USP48: variants seen among roughly 807,000 people sequenced by gnomAD.
The protein encoded by USP48 is ubiquitin carboxyl-terminal hydrolase 48.
In USP48, 43 loss-of-function variants were observed where a neutral mutation model predicts 150.7. The ratio of observed to expected loss-of-function variants is 0.29; its 90% CI spans 0.22 to 0.37. USP48 has a LOEUF of 0.37. USP48 is among the 10% of genes least tolerant of loss of function. The probability of loss-of-function intolerance (pLI) is 1.00; values close to 1 mark genes in which losing one functional copy is unlikely to be tolerated. For missense variants in USP48, 813 were observed against 1,249.6 expected (o/e 0.65, Z 5.27); for synonymous variants, 396 against 425.9 (o/e 0.93, Z 0.86).
chr1:21,737,121 T>A (rs1391533819), intron 8 of USP48, among the ~76,000 whole-genome samples: 11 of 152,174 alleles, frequency 7.2e-5, no homozygotes, highest in Admixed American at 7.2e-4. Context: ...TCAAAACAGG[T>A]GTAGGCATTT....
chr1:21,771,930 A>G (rs1014694011), intron 1 of USP48, among the ~76,000 whole-genome samples: 1 of 152,042 alleles, frequency 6.6e-6, no homozygotes, highest in Non-Finnish European at 1.5e-5. Flanking sequence ...AAAAAAAAAA[A>G]GGACTGAAAA....
At chr1:21,744,485 T>C (rs541870106) in intron 8 of USP48, among the ~76,000 whole-genome samples, 6 of 147,946 alleles carry the variant, frequency 4.1e-5, no homozygotes, top group South Asian at 2.1e-4. Context: ...AGAATTAACA[T>C]AGTTTTTAGG....
At chr1:21,741,644 C>T (rs1410934087) in intron 8 of USP48, among the ~76,000 whole-genome samples, 1 of 152,094 alleles carries the variant, frequency 6.6e-6, no homozygotes, top group Non-Finnish European at 1.5e-5. Context: ...ATAAGATAGT[C>T]TGTAAGTTTC....
chr1:21,683,342 G>T (rs1402717655), intron 25 of USP48, among the ~76,000 whole-genome samples: 1 of 152,164 alleles, frequency 6.6e-6, no homozygotes, highest in Non-Finnish European at 1.5e-5. Context: ...AGTGTATAAT[G>T]ATCACATCAG....
intron 1 of USP48, among the ~76,000 whole-genome samples, chr1:21,776,635 AAG>A (rs1304321133): frequency 2.0e-5 from 3 of 150,066 alleles, no homozygotes; most frequent in Non-Finnish European, 3.0e-5. Flanking sequence ...AGTGAGTAGA[AAG>A]AGAGCTTTTT....
At chr1:21,739,450 C>T (rs1373645199) in intron 8 of USP48, among the ~76,000 whole-genome samples, 4 of 122,962 alleles carry the variant, frequency 3.3e-5, no homozygotes, top group East Asian at 2.7e-4. Flanking sequence ...ACCCGGGAGG[C>T]GGAGGTTGCA....
chr1:21,712,302 T>G (rs1422197348), intron 15 of USP48, among the ~76,000 whole-genome samples: 1 of 152,142 alleles, frequency 6.6e-6, no homozygotes, highest in Non-Finnish European at 1.5e-5. Context: ...GAGGTTGTAG[T>G]GAGCCGAGAC....
At chr1:21,733,531 T>C (rs1321921434) in intron 9 of USP48, among the ~76,000 whole-genome samples, 1 of 152,202 alleles carries the variant, frequency 6.6e-6, no homozygotes, top group Non-Finnish European at 1.5e-5. Context: ...TCTAATGAAA[T>C]TTAAAAATAT....
intron 12 of USP48, 143 bp from the exon 13 acceptor site, chr1:21,721,907 C>T: frequency 2.0e-6 from 1 of 487,990 alleles, no homozygotes; most frequent in Non-Finnish European, 3.6e-6. Flanking sequence ...GGTATATACC[C>T]TAAATTATTT....
intron 1 of USP48, among the ~76,000 whole-genome samples, chr1:21,777,335 G>A (rs1248307148): frequency 6.6e-6 from 1 of 151,912 alleles, no homozygotes; most frequent in East Asian, 1.9e-4. Context: ...AACCTTGGGT[G>A]AGGTGTGGCT....
intron 21 of USP48, among the ~76,000 whole-genome samples, chr1:21,702,773 C>T (rs2097660862): frequency 6.6e-6 from 1 of 152,178 alleles, no homozygotes; most frequent in African/African-American, 2.4e-5. Flanking sequence ...CCATTAGCCA[C>T]ATGTAGCTAT....
chr1:21,736,281 G>T, intron 9 of USP48, 165 bp downstream of exon 9: 2 of 715,224 alleles, frequency 2.8e-6, no homozygotes, highest in Non-Finnish European at 4.3e-6. Context: ...CGAAAAACAA[G>T]CATTGCTAAT....
rs1305996506 is a variant in USP48 at position 21,782,951 on chromosome 1, G to A, written c.7C>T (p.Pro3Ser). ...GCCGCCTTCTCCAGCTGCAGCCGCG[G>A]GGCCATGGCCTTGGCCCCAGGAACG... MAPRLQLEKAAWR... is the reference protein window; with the variant it reads MASRLQLEKAAWR... Residue 3 changes from proline to serine, a missense_variant, in exon 1 of 27, where the codon CCG becomes TCG. By Grantham distance (74) the Pro-to-Ser change is moderately conservative. Transcript: ENST00000308271. 3 of 1,544,216 alleles carry A rather than the reference G, an allele frequency of 1.9e-6. No individual in the cohort carries two copies. The highest frequency in any genetic ancestry group is 2.6e-6 in the Non-Finnish European group (3 of 1,147,518).
rs1161705890 is a variant in USP48 at position 21,723,984 on chromosome 1, G to A, written c.1562C>T (p.Pro521Leu). 14 of 1,614,068 alleles carry A rather than the reference G, an allele frequency of 8.7e-6. No homozygotes were observed. The highest frequency in any genetic ancestry group is 1.1e-5 in the Non-Finnish European group (13 of 1,179,996). The stretch of plus-strand genomic sequence containing the variant: ...CCTCTTCATAATTGATATTTTATCC[G>A]GGTGAAGCTTGTCATGGGAACACAG... ...ACLCSHDKLHPDKISIMKRIS... is the reference protein window; with the variant it reads ...ACLCSHDKLHLDKISIMKRIS... The change falls in exon 12 of 27, where the codon CCG becomes CTG. Residue 521 changes from proline (P) to leucine (L), a missense_variant. Coordinates refer to ENST00000308271, the MANE Select transcript of USP48 (RefSeq NM_032236.8).
At chr1:21,708,354 C>T (rs1009220931) in intron 15 of USP48, among the ~76,000 whole-genome samples, 29 of 151,984 alleles carry the variant, frequency 1.9e-4, no homozygotes, top group South Asian at 6.2e-4. Flanking sequence ...CAAAAATTAG[C>T]CAGGTGTGTG....
intron 25 of USP48, among the ~76,000 whole-genome samples, chr1:21,681,464 G>A (rs1211796159): frequency 3.3e-5 from 5 of 151,906 alleles, no homozygotes; most frequent in Admixed American, 2.0e-4. Flanking sequence ...GTTTCACCAC[G>A]TTGGCCAGGC....
chr1:21,771,383 T>A (rs185537577), intron 1 of USP48, among the ~76,000 whole-genome samples: 1,431 of 127,202 alleles, frequency 0.011, 8 homozygotes, highest in South Asian at 0.033. Flanking sequence ...CAAAAAAAAA[T>A]AAATTATTAT....
intron 9 of USP48, among the ~76,000 whole-genome samples, chr1:21,731,720 A>C (rs1291668187): frequency 1.3e-5 from 2 of 151,952 alleles, no homozygotes; most frequent in African/African-American, 4.8e-5. Flanking sequence ...GTATCTACTA[A>C]AACTATAAAA....
chr1:21,692,382 G>C (rs2097604838), intron 23 of USP48, among the ~76,000 whole-genome samples: 1 of 152,162 alleles, frequency 6.6e-6, no homozygotes, highest in African/African-American at 2.4e-5. Flanking sequence ...AGATTGAGCA[G>C]AGCTACGGTG....
Sources: allele counts gnomAD v4.1 joint callset (sites outside exome capture counted in the v4.1 genomes callset), GRCh38; gene constraint gnomAD v4.1.1; transcripts MANE v1.5; gene names NCBI Gene and HGNC (gene_info 2026-07-23, HGNC 2026-07-21).